FRY: variants seen among roughly 807,000 people sequenced by gnomAD.
FRY encodes the protein FRY microtubule binding protein.
A neutral mutation model predicts 348.4 loss-of-function variants in FRY; 128 were observed. The observed-to-expected ratio is 0.37, with a 90% confidence interval of 0.32 to 0.43. The LOEUF (loss-of-function observed/expected upper bound fraction) is 0.43. Among genes scored for constraint, FRY ranks in the 20% least tolerant of loss-of-function variants. The pLI is 1.00. For missense variants in FRY, 2,736 were observed against 3,695.2 expected (o/e 0.74, Z 6.73); for synonymous variants, 1,370 against 1,374.7 (o/e 1.00, Z 0.08).
rs199775841 is a variant in FRY, at chr13:32,161,241, T to C, written c.1882T>C (p.Leu628=). The C allele has an allele frequency of 1.9e-6, 3 of 1,593,978 alleles. No individual in the cohort carries two copies. The highest frequency in any genetic ancestry group is 8.6e-7 in the Non-Finnish European group (1 of 1,161,604). ...DGMSKLELID[L]LARLSIHMDD... is the part of the protein sequence containing the mutation. ...GATGTCAAAACTTGAACTTATTGAC[T>C]TACTGGCTAGGTAGGTGAGAATATT... Residue 628 remains leucine (L), a synonymous_variant, in exon 17 of 61, where the codon TTA becomes CTA. Transcript: ENST00000542859.
chr13:32,089,211 A>G (rs1040768120), intron 2 of FRY, among the ~76,000 whole-genome samples: 3 of 152,202 alleles, frequency 2.0e-5, no homozygotes, highest in African/African-American at 4.8e-5. Flanking sequence ...CGGTCATGCT[A>G]ACAATAAGAC....
chr13:32,177,235 T>C (rs375426626), intron 20 of FRY, among the ~76,000 whole-genome samples: 214 of 152,318 alleles, frequency 1.4e-3, no homozygotes, highest in African/African-American at 4.9e-3. Context: ...ATATAGATAT[T>C]TATCTTTCAA....
intron 44 of FRY, among the ~76,000 whole-genome samples, chr13:32,238,449 GTTTTGTT>G (rs1235932207): frequency 6.6e-6 from 1 of 151,204 alleles, no homozygotes; most frequent in Admixed American, 6.6e-5. Context: ...GTTTTGTTTT[GTTTTGTT>G]TTGTTTTTGT....
At chr13:32,185,894 A>G (rs1026983746) in intron 26 of FRY, among the ~76,000 whole-genome samples, 6 of 152,210 alleles carry the variant, frequency 3.9e-5, no homozygotes, top group East Asian at 3.8e-4. Flanking sequence ...TAGACAGTCT[A>G]TGCTATTTCC....
chr13:32,224,259 G>T lies in FRY; in HGVS notation c.4790G>T (p.Gly1597Val). ...GATGATCCAATTTCTCCCTACACGG[G>T]CTGGTTGCTGACTATTACAGAGACC... ...DKNDPISPYTGWLLTITETKQ... is the reference protein window; with the variant it reads ...DKNDPISPYTVWLLTITETKQ... Residue 1597 changes from glycine (G) to valine (V), a missense_variant, in exon 37 of 61, where the codon GGC becomes GTC. By Grantham distance (109) the Gly-to-Val change is moderately radical. This residue lies in a region of FRY where 794 missense variants were observed against 977.0 expected (regional missense o/e 0.81). Coordinates refer to ENST00000542859, the MANE Select transcript of FRY (RefSeq NM_023037.3). The T allele has an allele frequency of 6.2e-7, 1 of 1,614,040 alleles. No individual in the cohort carries two copies. The highest frequency in any genetic ancestry group is 2.2e-5 in the East Asian group (1 of 44,884).
In FRY at chr13:32,245,456, T is replaced by A. The variant is rs113613733; in HGVS notation, c.6828+1274T>A. Reference sequence around the variant, plus strand: ...CCCATCTCTACAAAAATAAAAAAAATTTTAAAAATCAGCAAGGTGTGGTGG... The same window carrying A: ...CCCATCTCTACAAAAATAAAAAAAAATTTAAAAATCAGCAAGGTGTGGTGG... On this transcript the variant is annotated intron_variant, in intron 47 of 60. Transcript: ENST00000542859. Among the ~76,000 whole-genome samples, 577 of 151,732 alleles carry A rather than the reference T, an allele frequency of 3.8e-3. 3 individuals carry two copies. Among genetic ancestry groups the A allele is most frequent in the African/African-American group, 0.013 (546 of 41,400 alleles).
chr13:32,264,172 C>T (rs185319621), intron 53 of FRY, among the ~76,000 whole-genome samples: 213 of 152,236 alleles, frequency 1.4e-3, no homozygotes, highest in African/African-American at 4.8e-3. Context: ...AGGACTCATC[C>T]CTTCTCTAAT....
intron 4 of FRY, among the ~76,000 whole-genome samples, chr13:32,120,293 A>G (rs1283586069): frequency 6.6e-6 from 1 of 152,128 alleles, no homozygotes; most frequent in East Asian, 1.9e-4. Flanking sequence ...GTTCCACACC[A>G]GAGTCAGTGC....
chr13:32,274,505 C>A (rs569445944), intron 55 of FRY, among the ~76,000 whole-genome samples: 1 of 151,436 alleles, frequency 6.6e-6, no homozygotes, highest in Non-Finnish European at 1.5e-5. Flanking sequence ...CAGATCGAGA[C>A]CATCCTGGCT....
chr13:32,276,894 T>C (rs1171985084), intron 57 of FRY, among the ~76,000 whole-genome samples: 1 of 152,250 alleles, frequency 6.6e-6, no homozygotes, highest in Non-Finnish European at 1.5e-5. Context: ...CTTCCAGTGT[T>C]AGCCTCACCC....
At position 32,228,491 on chromosome 13, in the gene FRY, C is replaced by T; in HGVS notation, c.5242C>T (p.Pro1748Ser). ...FDFLREDQSS[P>S]VPDSGLSSSS... is the part of the protein sequence containing the mutation. ...CTTCCTGAGAGAGGACCAGTCATCC[C>T]CGGTGCCTGACTCAGGGCTTAGTTC... The change falls in exon 40 of 61, where the codon CCG (proline) becomes TCG (serine). Residue 1748 changes from proline (P) to serine (S), a missense_variant. By Grantham distance (74) the Pro-to-Ser change is moderately conservative. Coordinates refer to ENST00000542859, the MANE Select transcript of FRY (RefSeq NM_023037.3). 2 of 1,612,968 alleles carry T rather than the reference C, an allele frequency of 1.2e-6. No individual in the cohort carries two copies. Among genetic ancestry groups the T allele is most frequent in the Non-Finnish European group, 1.7e-6 (2 of 1,179,828 alleles).
intron 1 of FRY, among the ~76,000 whole-genome samples, chr13:32,045,155 C>T (rs141920136): frequency 2.0e-5 from 3 of 152,290 alleles, no homozygotes; most frequent in East Asian, 3.9e-4. Flanking sequence ...CTCCAGGACC[C>T]CTATAGGGCT....
At chr13:32,271,601 C>G (rs957087856) in intron 55 of FRY, among the ~76,000 whole-genome samples, 5 of 152,196 alleles carry the variant, frequency 3.3e-5, no homozygotes, top group Admixed American at 6.5e-5. Context: ...ACTGGGGACT[C>G]TCTAGCAACT....
At chr13:32,177,242 T>C (rs1193387944) in intron 20 of FRY, among the ~76,000 whole-genome samples, 1 of 152,202 alleles carries the variant, frequency 6.6e-6, no homozygotes, top group Non-Finnish European at 1.5e-5. Context: ...TATTTATCTT[T>C]CAAGAGATTT....
intron 58 of FRY, among the ~76,000 whole-genome samples, chr13:32,283,979 G>A (rs1234596936): frequency 6.6e-6 from 1 of 152,210 alleles, no homozygotes; most frequent in African/African-American, 2.4e-5. Flanking sequence ...ATAAATGGAG[G>A]TCAGGGAACA....
chr13:32,098,973 A>G lies in FRY; in HGVS notation c.271-2990A>G, dbSNP rs150949255. On this transcript the variant is annotated intron_variant, in intron 2 of 60. Transcript: ENST00000542859. ...TGGTGAAACCTCAGACTTGCAGGAT[A>G]AGACCACCATGTGCGTTTCTTCAAG... 1.3e-3 allele frequency among the ~76,000 whole-genome samples: 191 copies of G among 152,036 alleles called. 2 individuals carry two copies. The East Asian group carries it at 0.021, about 17-fold the overall frequency.
rs544935297 is a variant in FRY at position 32,298,950 on chromosome 13, T to A, written c.*3490T>A. 6.6e-6 allele frequency: 1 copy of A among 152,290 alleles called. No homozygotes were observed. The highest frequency in any genetic ancestry group is 1.9e-4 in the East Asian group (1 of 5,180). The allele number at this position is 152,290 out of a possible 1,614,324, so 9.4% of individuals were successfully genotyped here. A position where few individuals can be genotyped will look rare whatever the true frequency, so the allele number is the denominator to read the frequency against. On this transcript the variant is annotated 3_prime_UTR_variant, in exon 61 of 61. Transcript: ENST00000542859. ...GGCAGGGTAGTGACATGCTGTGACT[T>A]ATGTTTAAAAGGATTACTCCTTCAT...
At chr13:32,263,763 C>T (rs1178384480) in intron 53 of FRY, among the ~76,000 whole-genome samples, 3 of 152,196 alleles carry the variant, frequency 2.0e-5, no homozygotes, top group Non-Finnish European at 2.9e-5. Flanking sequence ...AATCCCAGCA[C>T]TTCGGGAGGC....
intron 53 of FRY, among the ~76,000 whole-genome samples, chr13:32,265,243 G>T (rs934737574): frequency 1.3e-5 from 2 of 152,180 alleles, no homozygotes; most frequent in Admixed American, 1.3e-4. Context: ...TTATGGAAGA[G>T]ATTGAAAAGA....
Sources: allele counts gnomAD v4.1 joint callset (sites outside exome capture counted in the v4.1 genomes callset), GRCh38; gene constraint gnomAD v4.1.1; regional missense constraint gnomAD v4.1.1; transcripts MANE v1.5; gene names NCBI Gene and HGNC (gene_info 2026-07-23, HGNC 2026-07-21).